The following PRKCH variants were observed in gnomAD, a reference collection of about 807,000 sequenced individuals.
PRKCH encodes the protein protein kinase C eta type.
PRKCH carries 28 observed loss-of-function variants against 82.5 expected under a neutral mutation model. The ratio of observed to expected loss-of-function variants is 0.34; its 90% CI spans 0.25 to 0.47. The LOEUF is 0.47. Ranked by LOEUF, PRKCH falls within the 20% of genes least tolerant of loss-of-function variation. The pLI is 1.00. For missense variants in PRKCH, 705 were observed against 881.8 expected (o/e 0.80, Z 2.54); for synonymous variants, 322 against 327.4 (o/e 0.98, Z 0.18).
intron 2 of PRKCH, among the ~76,000 whole-genome samples, chr14:61,396,327 A>AT (rs1270335461): frequency 2.0e-5 from 3 of 152,236 alleles, no homozygotes; most frequent in African/African-American, 7.2e-5. Context: ...TACTTACCTC[A>AT]TTTTTTAATT....
chr14:61,444,610 T>C (rs1884130724), intron 3 of PRKCH, among the ~76,000 whole-genome samples: 1 of 152,110 alleles, frequency 6.6e-6, no homozygotes, highest in African/African-American at 2.4e-5. Context: ...CCATACACTG[T>C]CACCCTCATA....
chr14:61,280,454 G>A lies in PRKCH; in HGVS notation c.-19+92786G>A. On this transcript the variant is annotated intron_variant, in intron 1 of 3. Transcript: ENST00000555185. This position sits in a 1 kb window ranked among gnomAD's most constrained non-coding sequence, Gnocchi z 5.0. The stretch of plus-strand genomic sequence containing the variant: ...GGGTCGGGGCTGAGCTCGTAGACTG[G>A]CCGGCGCCAGTTGGGCGGGGGCGCC... The A allele has an allele frequency of 6.2e-7, 1 of 1,613,754 alleles. No individual in the cohort carries two copies. Among genetic ancestry groups the A allele is most frequent in the Non-Finnish European group, 8.5e-7 (1 of 1,179,796 alleles).
intron 2 of PRKCH, among the ~76,000 whole-genome samples, chr14:61,424,756 G>T (rs868081497): frequency 7.9e-5 from 12 of 152,210 alleles, no homozygotes; most frequent in Non-Finnish European, 1.2e-4. Context: ...TGTTCCTAGG[G>T]CATGTGAAGG....
intron 2 of PRKCH, among the ~76,000 whole-genome samples, chr14:61,408,167 A>G (rs1202697456): frequency 6.6e-6 from 1 of 152,140 alleles, no homozygotes; most frequent in Non-Finnish European, 1.5e-5. Context: ...GGAATACCAT[A>G]CAGGCGTCTC....
At chr14:61,447,980 A>G (rs181920490) in intron 4 of PRKCH, among the ~76,000 whole-genome samples, 98 of 152,354 alleles carry the variant, frequency 6.4e-4, no homozygotes, top group African/African-American at 2.3e-3. Context: ...TAGGAAAACA[A>G]CAGAGAAAAT....
At chr14:61,405,180 T>C (rs999716983) in intron 2 of PRKCH, among the ~76,000 whole-genome samples, 1 of 152,206 alleles carries the variant, frequency 6.6e-6, no homozygotes, top group Admixed American at 6.5e-5. Context: ...CTAAGCCAAA[T>C]TAGGAGCCAA....
At position 61,435,734 on chromosome 14, in the gene PRKCH, ATG is replaced by A. The variant is rs535932648; in HGVS notation, c.428-7376_428-7375del. ...AATGAATGAATGAATGAATGAATGA[ATG>A]AATGAAACCAGAGCTATAGCTGTAT... On this transcript the variant is annotated intron_variant, in intron 2 of 13. Coordinates refer to ENST00000332981, the MANE Select transcript of PRKCH (RefSeq NM_006255.5). Among the ~76,000 whole-genome samples, 19 of 151,296 alleles carry A rather than the reference ATG, an allele frequency of 1.3e-4. No individual in the cohort carries two copies. In the South Asian group the frequency reaches 2.1e-3, roughly 17 times the overall value.
At chr14:61,276,010 T>C (rs1417320004) in intron 1 of PRKCH, among the ~76,000 whole-genome samples, 1 of 152,232 alleles carries the variant, frequency 6.6e-6, no homozygotes, top group African/African-American at 2.4e-5. Context: ...CAGTGTATTG[T>C]TGTATTACTA....
chr14:61,392,578 C>A (rs965175360), intron 2 of PRKCH, among the ~76,000 whole-genome samples: 6 of 152,058 alleles, frequency 3.9e-5, no homozygotes, highest in African/African-American at 1.4e-4. Context: ...GTCCTGTTTT[C>A]TAAAATTGGA....
intron 2 of PRKCH, among the ~76,000 whole-genome samples, chr14:61,399,818 T>G (rs952299040): frequency 3.9e-5 from 6 of 152,118 alleles, no homozygotes; most frequent in Admixed American, 1.3e-4. Context: ...TTTGTACAAG[T>G]TTTTGGGGAA....
At chr14:61,305,347 CT>C (rs551126391) in intron 1 of PRKCH, 1,813 of 141,272 alleles carry the variant, frequency 0.013, 20 homozygotes, top group African/African-American at 0.035. Flanking sequence ...CCATGCCCAG[CT>C]TTTTTTTTTT....
chr14:61,378,347 G>A lies in PRKCH; in HGVS notation c.364-12878G>A, dbSNP rs897125053. Among the ~76,000 whole-genome samples the A allele has an allele frequency of 2.0e-5, 3 of 151,808 alleles. No homozygotes were observed. In the East Asian group the frequency reaches 5.8e-4, roughly 29 times the overall value. ...CCTGTTTCAGCCTCCCAAGTAGCTG[G>A]GATTACAAGCATGTACCACCACATC... On this transcript the variant is annotated intron_variant, in intron 1 of 13. Coordinates refer to ENST00000332981, the MANE Select transcript of PRKCH (RefSeq NM_006255.5).
At chr14:61,299,611 C>T (rs561230532) in intron 1 of PRKCH, 1 of 152,376 alleles carries the variant, frequency 6.6e-6, no homozygotes, top group South Asian at 2.1e-4. Flanking sequence ...GAGGAGCCCT[C>T]TTCTGCCCTG....
intron 1 of PRKCH, chr14:61,298,686 A>G (rs557846849): frequency 6.6e-6 from 1 of 152,222 alleles, no homozygotes; most frequent in East Asian, 1.9e-4. Flanking sequence ...TTCAGTACGT[A>G]GATATCTGAG....
At chr14:61,393,068 T>C (rs2046710476) in intron 2 of PRKCH, among the ~76,000 whole-genome samples, 1 of 152,184 alleles carries the variant, frequency 6.6e-6, no homozygotes, top group Non-Finnish European at 1.5e-5. Flanking sequence ...GGTCTGTTTC[T>C]GGATTATCTG....
intron 1 of PRKCH, among the ~76,000 whole-genome samples, chr14:61,331,126 C>G (rs891104350): frequency 3.3e-5 from 5 of 152,042 alleles, no homozygotes; most frequent in African/African-American, 1.2e-4. Context: ...GTATTAATAT[C>G]TATCTAATCT....
chr14:61,237,808 C>T (rs2140063990), intron 1 of PRKCH, among the ~76,000 whole-genome samples: 1 of 152,244 alleles, frequency 6.6e-6, no homozygotes, highest in East Asian at 1.9e-4. Flanking sequence ...TGTATAAAAC[C>T]AAACTGTAAC....
chr14:61,218,050 C>T (rs1238704371), intron 1 of PRKCH, among the ~76,000 whole-genome samples: 1 of 152,180 alleles, frequency 6.6e-6, no homozygotes, highest in Non-Finnish European at 1.5e-5. Flanking sequence ...GGACCCGGCG[C>T]GTTTCGTTCC....
chr14:61,511,678 GC>G (rs1461536680), intron 10 of PRKCH, among the ~76,000 whole-genome samples: 1 of 152,208 alleles, frequency 6.6e-6, no homozygotes, highest in Admixed American at 6.5e-5. Flanking sequence ...GAAGGCTTGT[GC>G]CCTGCCTTGG....
Sources: allele counts gnomAD v4.1 joint callset (sites outside exome capture counted in the v4.1 genomes callset), GRCh38; gene constraint gnomAD v4.1.1; non-coding constraint Gnocchi (gnomAD v3.1); transcripts MANE v1.5; gene names NCBI Gene and HGNC (gene_info 2026-07-23, HGNC 2026-07-21).